The following TIAM1 variants were observed in gnomAD, a reference collection of about 807,000 sequenced individuals.
TIAM1 encodes the protein TIAM Rac1 associated GEF 1, also known as rho guanine nucleotide exchange factor TIAM1.
Under a neutral mutation model 163.5 loss-of-function variants are expected in TIAM1, and 65 were observed. The observed-to-expected ratio is 0.40, with a 90% CI of 0.33 to 0.49. The LOEUF (loss-of-function observed/expected upper bound fraction) is 0.49. Among genes scored for constraint, TIAM1 ranks in the 20% least tolerant of loss-of-function variants. TIAM1 has a pLI of 0.77. For missense variants in TIAM1, 1,789 were observed against 2,044.7 expected, an observed-to-expected ratio of 0.87 and a Z score of 2.41; for synonymous variants, 833 against 810.1, an observed-to-expected ratio of 1.03 and a Z score of -0.48.
chr21:31,327,643 C>CAAAAAAAAAAAAA (rs373702154), intron 2 of TIAM1, among the ~76,000 whole-genome samples: 2 of 69,468 alleles, frequency 2.9e-5, no homozygotes, highest in African/African-American at 6.5e-5. Context: ...GCCGCCATCT[C>CAAAAAAAAAAAAA]AAAAAAAAAA....
At chr21:31,366,035 C>T (rs553698804) in intron 2 of TIAM1, among the ~76,000 whole-genome samples, 99 of 140,822 alleles carry the variant, frequency 7.0e-4, no homozygotes, top group African/African-American at 2.3e-3. Flanking sequence ...TGCAGTGAGC[C>T]GAGGTAGCTC....
intron 1 of TIAM1, among the ~76,000 whole-genome samples, chr21:31,487,959 T>C (rs1042334213): frequency 4.6e-5 from 7 of 152,238 alleles, no homozygotes; most frequent in Non-Finnish European, 8.8e-5. Context: ...CCCAAAGTGC[T>C]AGGATTACAG....
At chr21:31,296,767 A>G (rs940706905) in intron 2 of TIAM1, among the ~76,000 whole-genome samples, 5 of 151,892 alleles carry the variant, frequency 3.3e-5, no homozygotes, top group Non-Finnish European at 7.4e-5. Flanking sequence ...GGGTTCAAGC[A>G]ATTCTCCTGC....
chr21:31,529,805 G>A (rs1284323968), intron 1 of TIAM1, among the ~76,000 whole-genome samples: 1 of 152,034 alleles, frequency 6.6e-6, no homozygotes, highest in South Asian at 2.1e-4. Context: ...TTCACCTCAT[G>A]CCCCCTTCCT....
intron 2 of TIAM1, among the ~76,000 whole-genome samples, chr21:31,366,900 G>A (rs1019635456): frequency 6.6e-6 from 1 of 152,190 alleles, no homozygotes; most frequent in Non-Finnish European, 1.5e-5. Flanking sequence ...TTATAGGCGT[G>A]AGTCACCATG....
chr21:31,453,969 T>C (rs1216878700), intron 2 of TIAM1, among the ~76,000 whole-genome samples: 2 of 152,162 alleles, frequency 1.3e-5, no homozygotes, highest in Non-Finnish European at 2.9e-5. Context: ...CTTCCCAGAA[T>C]GCTCTTCCTC....
In TIAM1 at chr21:31,120,353, G is replaced by A. The variant is rs370577843; in HGVS notation, c.*15C>T. 6.3e-7 allele frequency: 1 copy of A among 1,591,414 alleles called. No homozygotes were observed. Among genetic ancestry groups the A allele is most frequent in the Non-Finnish European group, 8.6e-7 (1 of 1,168,186 alleles). On this transcript the variant is annotated 3_prime_UTR_variant, in exon 28 of 28. Coordinates refer to ENST00000541036, the MANE Select transcript of TIAM1 (RefSeq NM_001353694.2). This position sits in a 1 kb window ranked among gnomAD's most constrained non-coding sequence, Gnocchi z 4.2. ...GAAGTATCTACACACATTCTCTACG[G>A]GGCAGGTGACGCAGTCAGATCTCAG...
In TIAM1 at chr21:31,181,756, C is replaced by CTTTTTTTTTTTTTTTT. The variant is rs781153297; in HGVS notation, c.2887+649_2887+664dup. ...CCCAGCACTTCTTCTTCTTCTTCTTCTTTTTTTTTTTTTTTTTTTTTTTTT... is the reference window on the plus strand; with the variant it reads ...CCCAGCACTTCTTCTTCTTCTTCTTCTTTTTTTTTTTTTTTTTTTTTTTTTTTTTTTTTTTTTTTTT... On this transcript the variant is annotated intron_variant, in intron 15 of 27. Coordinates refer to ENST00000541036, the MANE Select transcript of TIAM1 (RefSeq NM_001353694.2). 9.7e-5 allele frequency among the ~76,000 whole-genome samples: 4 copies of CTTTTTTTTTTTTTTTT among 41,332 alleles called. 1 individual carries two copies. The highest frequency in any genetic ancestry group is 2.1e-4 in the Non-Finnish European group (4 of 18,806). 27.1% of individuals were successfully genotyped at this position (41,332 alleles called of 152,430 possible).
intron 2 of TIAM1, among the ~76,000 whole-genome samples, chr21:31,328,706 C>T (rs1018389852): frequency 6.6e-6 from 1 of 152,004 alleles, no homozygotes; most frequent in African/African-American, 2.4e-5. Flanking sequence ...GCTCTCCCTC[C>T]CCTTGACCCC....
intron 8 of TIAM1, 105 bp downstream of exon 8, chr21:31,223,301 A>T (rs1321580333): frequency 6.3e-6 from 8 of 1,278,606 alleles, no homozygotes; most frequent in Non-Finnish European, 8.5e-6. Context: ...AGAAATCCAT[A>T]CACAGCAGGA....
intron 26 of TIAM1, 102 bp downstream of exon 26, chr21:31,126,963 G>A: frequency 8.7e-7 from 1 of 1,150,980 alleles, no homozygotes; most frequent in Non-Finnish European, 1.3e-6. Context: ...TGATGTTACA[G>A]TACAAACAAC....
At chr21:31,356,909 T>C (rs779153113) in intron 2 of TIAM1, among the ~76,000 whole-genome samples, 4 of 152,182 alleles carry the variant, frequency 2.6e-5, no homozygotes, top group Non-Finnish European at 4.4e-5. Context: ...CTTGAGCCCA[T>C]GGGTTCGAGA....
intron 2 of TIAM1, among the ~76,000 whole-genome samples, chr21:31,451,753 GT>G (rs1386436280): frequency 6.9e-6 from 1 of 145,558 alleles, no homozygotes; most frequent in Admixed American, 6.8e-5. Flanking sequence ...GTGTGTGTGT[GT>G]GTGTGTGAGA....
In TIAM1 at chr21:31,395,716, C is replaced by T. The variant is rs1328892871; in HGVS notation, c.-368-56294G>A. Among the ~76,000 whole-genome samples the T allele has an allele frequency of 1.3e-5, 2 of 152,024 alleles. No individual in the cohort carries two copies. Among genetic ancestry groups the T allele is most frequent in the Admixed American group, 1.3e-4 (2 of 15,256 alleles). On this transcript the variant is annotated intron_variant, in intron 2 of 28. Transcript: ENST00000286827. The surrounding 1 kb of genome is among the most constrained non-coding windows in gnomAD (Gnocchi z 7.5). ...TCTTGGGGAGGGGGCGCATGCGTTC[C>T]CCTGGCTGTCGCGTGAAAATTTTTG...
intron 5 of TIAM1, among the ~76,000 whole-genome samples, chr21:31,250,587 C>T (rs1191900421): frequency 6.6e-6 from 1 of 152,224 alleles, no homozygotes; most frequent in Non-Finnish European, 1.5e-5. Flanking sequence ...TCTGTGAAAT[C>T]CAGTATCGAA....
rs2082875979 is a variant in TIAM1, at chr21:31,142,168, C to T, written c.3476-664G>A. 7.9e-5 allele frequency among the ~76,000 whole-genome samples: 12 copies of T among 152,254 alleles called. No individual in the cohort carries two copies. In the South Asian group the frequency reaches 2.5e-3, roughly 32 times the overall value. On this transcript the variant is annotated intron_variant, in intron 20 of 27. Transcript: ENST00000541036. ...GCCCGCATGGCATGGGGTGCCCCTGCCTCTTGGGAACTGTGAGTGACAAAC... is the reference window on the plus strand; with the variant it reads ...GCCCGCATGGCATGGGGTGCCCCTGTCTCTTGGGAACTGTGAGTGACAAAC...
intron 2 of TIAM1, among the ~76,000 whole-genome samples, chr21:31,444,753 C>T (rs1256688259): frequency 1.3e-5 from 2 of 152,220 alleles, no homozygotes; most frequent in Non-Finnish European, 2.9e-5. Context: ...AATGCCAGCA[C>T]TTTGGGAGGC....
chr21:31,439,070 T>C (rs1021009871), intron 2 of TIAM1, among the ~76,000 whole-genome samples: 1 of 152,176 alleles, frequency 6.6e-6, no homozygotes, highest in Non-Finnish European at 1.5e-5. Context: ...CCTGATGTCA[T>C]GCAGGGGAAA....
At chr21:31,481,336 C>A (rs2046102409) in intron 1 of TIAM1, among the ~76,000 whole-genome samples, 2 of 152,200 alleles carry the variant, frequency 1.3e-5, no homozygotes, top group African/African-American at 4.8e-5. Context: ...ACTGCTTTTA[C>A]TCACACTTCT....
Sources: gnomAD v4.1 joint callset for allele counts (sites outside exome capture counted in the v4.1 genomes callset) on GRCh38, gnomAD v4.1.1 for gene constraint, Gnocchi (gnomAD v3.1) non-coding constraint, MANE v1.5 for transcripts, NCBI Gene and HGNC (gene_info 2026-07-23, HGNC 2026-07-21) for gene names.